DYSF: variants seen among roughly 807,000 people sequenced by gnomAD.
DYSF encodes the protein dysferlin, also known as dystrophy-associated fer-1-like 1.
A neutral mutation model predicts 274.9 loss-of-function variants in DYSF; 212 were observed. The observed-to-expected ratio is 0.77, with a 90% CI of 0.69 to 0.86. The LOEUF (loss-of-function observed/expected upper bound fraction) is 0.86, where lower values mean the gene tolerates loss of function less well. Ranked by LOEUF, DYSF falls within the 40% of genes least tolerant of loss-of-function variation. The pLI, the probability that DYSF is intolerant of heterozygous loss-of-function variation, is 0.00. For synonymous variants in DYSF, 1,091 were observed against 1,078.7 expected (o/e 1.01, Z -0.22); for missense variants, 2,666 against 2,783.2 (o/e 0.96, Z 0.95).
chr2:71,668,986 C>T (rs1380777704), intron 49 of DYSF, 126 bp from the exon 50 acceptor site: 2 of 1,291,944 alleles, frequency 1.5e-6, no homozygotes, highest in Non-Finnish European at 2.2e-6. Flanking sequence ...TGGGCCTGGG[C>T]CAGTGTCCAG....
chr2:71,531,213 T>C (rs1368963816), intron 14 of DYSF, among the ~76,000 whole-genome samples: 2 of 152,128 alleles, frequency 1.3e-5, no homozygotes, highest in African/African-American at 4.8e-5. Flanking sequence ...GAATTACTGA[T>C]AACATTGGTT....
chr2:71,608,191 C>CA (rs2093679710), intron 36 of DYSF, among the ~76,000 whole-genome samples: 2 of 151,806 alleles, frequency 1.3e-5, no homozygotes, highest in African/African-American at 4.8e-5. Context: ...GTGGTGTGGA[C>CA]ATGAGGGAGG....
At chr2:71,548,865 G>A (rs746429895) in intron 17 of DYSF, among the ~76,000 whole-genome samples, 6 of 152,268 alleles carry the variant, frequency 3.9e-5, no homozygotes, top group Admixed American at 6.5e-5. Context: ...CCTGCTCGGC[G>A]CGCCTGGTCC....
chr2:71,513,209 C>G lies in DYSF; in HGVS notation c.461-31C>G, dbSNP rs530858928. The G allele has an allele frequency of 1.3e-4, 207 of 1,550,700 alleles. No homozygotes were observed. In the South Asian group the frequency reaches 2.0e-3, roughly 15 times the overall value. ...CCTTCACCCCAACCTCCTCCCTCCC[C>G]TCCCGGGGTTATGCCCTGCCCACAA... On this transcript the variant is annotated intron_variant, in intron 5 of 55. Transcript: ENST00000410020.
chr2:71,516,363 C>T (rs956510688), intron 9 of DYSF, 121 bp downstream of exon 9: 20 of 956,766 alleles, frequency 2.1e-5, no homozygotes, highest in African/African-American at 4.9e-5. Context: ...TGCGTGAATG[C>T]GTGTGTGTGC....
Position 71,589,615 on chromosome 2 carries a change from G to A in DYSF, c.3425G>A (p.Ser1142Asn), listed in dbSNP as rs751332312. The change falls in exon 31 of 56, where the codon AGT (serine) becomes AAT (asparagine). Residue 1142 changes from serine (S) to asparagine (N), a missense_variant. This residue lies in a region of DYSF where 1,460 missense variants were observed against 1,502.1 expected (regional missense o/e 0.97). Coordinates refer to ENST00000410020, the MANE Select transcript of DYSF (RefSeq NM_001130987.2). ...GALGGVMDDK[S>N]EDSMSVSTLS... ...CAGGGCGGCGTGATGGATGACAAGA[G>A]TGAAGATTCCATGTCCGTCTCCACC... 33 of 1,613,990 alleles carry A rather than the reference G, an allele frequency of 2.0e-5. No homozygotes were observed. The African/African-American group carries it at 2.8e-4, about 14-fold the overall frequency.
chr2:71,586,459 C>G (rs1432822844), intron 30 of DYSF, among the ~76,000 whole-genome samples: 1 of 151,782 alleles, frequency 6.6e-6, no homozygotes, highest in Non-Finnish European at 1.5e-5. Context: ...GGAGCCAGGT[C>G]AGGTTTTGGA....
At chr2:71,618,426 A>G (rs1456386153) in intron 40 of DYSF, among the ~76,000 whole-genome samples, 1 of 94,748 alleles carries the variant, frequency 1.1e-5, no homozygotes, top group Non-Finnish European at 2.0e-5. Context: ...TGTGTGTGGT[A>G]GAGGTGGGGT....
At chr2:71,513,646 TG>T in intron 6 of DYSF, 69 bp from the exon 7 acceptor site, 1 of 1,524,882 alleles carries the variant, frequency 6.6e-7, no homozygotes, top group Non-Finnish European at 9.1e-7. Flanking sequence ...CCCCCTGGGC[TG>T]GGTCCCAGGG....
At chr2:71,570,490 G>T in intron 28 of DYSF, 109 bp from the exon 29 acceptor site, 12 of 1,514,862 alleles carry the variant, frequency 7.9e-6, no homozygotes, top group Non-Finnish European at 1.1e-5. Context: ...TTAGGACCGA[G>T]AGTCAGTGGC....
intron 4 of DYSF, among the ~76,000 whole-genome samples, chr2:71,509,456 C>T (rs561844591): frequency 6.6e-6 from 1 of 152,320 alleles, no homozygotes; most frequent in African/African-American, 2.4e-5. Flanking sequence ...GCCACTGTAC[C>T]TGGCCGTACC....
At position 71,570,658 on chromosome 2, in the gene DYSF, GAGA is replaced by G; in HGVS notation, c.3149_3151del (p.Lys1050del). On this transcript the variant is annotated inframe_deletion, in exon 29 of 56. Coordinates refer to ENST00000410020, the MANE Select transcript of DYSF (RefSeq NM_001130987.2). Reference sequence around the variant, plus strand: ...GAAGCCGAAGCACTGGGTCCCTGCTGAGAAGATGTACTACACACACCGACGGCG... The same window carrying G: ...GAAGCCGAAGCACTGGGTCCCTGCTGAGATGTACTACACACACCGACGGCG... 2.5e-6 allele frequency: 4 copies of G among 1,614,114 alleles called. No homozygotes were observed. Among genetic ancestry groups the G allele is most frequent in the Non-Finnish European group, 3.4e-6 (4 of 1,179,994 alleles).
chr2:71,481,455 C>A (rs866653817), intron 2 of DYSF, among the ~76,000 whole-genome samples: 59 of 152,344 alleles, frequency 3.9e-4, no homozygotes, highest in African/African-American at 1.4e-3. Context: ...GGGGCCTAGC[C>A]AACATGGCAC....
chr2:71,513,274 G>C lies in DYSF; in HGVS notation c.495G>C (p.Leu165=). The C allele has an allele frequency of 6.4e-7, 1 of 1,551,654 alleles. No homozygotes were observed. Among genetic ancestry groups the C allele is most frequent in the Non-Finnish European group, 8.7e-7 (1 of 1,146,964 alleles). Residue 165 remains leucine (L), a synonymous_variant, in exon 6 of 56, where the codon CTG becomes CTC. Transcript: ENST00000410020. ...AGAGCCGGGCCGAGACTTGGTCCCT[G>C]CTCAGTGACAGCACCATGGACACGA... The part of the protein sequence containing the change: ...GGQSRAETWS[L]LSDSTMDTRY...
intron 1 of DYSF, among the ~76,000 whole-genome samples, chr2:71,470,566 C>T (rs754910514): frequency 3.5e-5 from 5 of 144,486 alleles, no homozygotes; most frequent in South Asian, 2.3e-4. Flanking sequence ...CCCAGCTACT[C>T]GGGAGGCTGA....
intron 51 of DYSF, among the ~76,000 whole-genome samples, chr2:71,673,472 T>G (rs969863447): frequency 3.9e-5 from 6 of 152,130 alleles, no homozygotes; most frequent in Admixed American, 2.6e-4. Flanking sequence ...GGCTTTGCCC[T>G]GGGTCAAGCT....
intron 42 of DYSF, among the ~76,000 whole-genome samples, chr2:71,652,352 A>G (rs909436907): frequency 6.6e-6 from 1 of 152,254 alleles, no homozygotes; most frequent in African/African-American, 2.4e-5. Flanking sequence ...CCTGTGTCTG[A>G]CTGACTTGCT....
chr2:71,585,705 CACTT>C (rs1230202766), intron 30 of DYSF, among the ~76,000 whole-genome samples: 5 of 152,140 alleles, frequency 3.3e-5, no homozygotes, highest in African/African-American at 1.2e-4. Context: ...TGAGTTCACT[CACTT>C]GTTCACCAAT....
At chr2:71,586,109 C>A (rs1317854931) in intron 30 of DYSF, among the ~76,000 whole-genome samples, 1 of 152,082 alleles carries the variant, frequency 6.6e-6, no homozygotes, top group African/African-American at 2.4e-5. Flanking sequence ...GAGGGGTGGC[C>A]TTCCCTCTGC....
Sources: gnomAD v4.1 joint callset for allele counts (sites outside exome capture counted in the v4.1 genomes callset) on GRCh38, gnomAD v4.1.1 for gene constraint, gnomAD v4.1.1 regional missense constraint, MANE v1.5 for transcripts, NCBI Gene and HGNC (gene_info 2026-07-23, HGNC 2026-07-21) for gene names.